Variants in SYNJ2 observed in about 807,000 individuals in gnomAD.
SYNJ2 encodes the protein synaptojanin 2, also known as polyphosphatidylinositol phosphatase SYNJ2.
SYNJ2 carries 116 observed loss-of-function variants against 141.3 expected under a neutral mutation model. The ratio of observed to expected loss-of-function variants is 0.82; its 90% CI spans 0.71 to 0.96. The LOEUF (loss-of-function observed/expected upper bound fraction) is 0.96. SYNJ2 is among the 40% of genes least tolerant of loss of function. The pLI, the probability that SYNJ2 is intolerant of heterozygous loss-of-function variation, is 0.00. For missense variants in SYNJ2, 1,873 were observed against 1,934.8 expected (o/e 0.97, Z 0.60); for synonymous variants, 745 against 777.7 (o/e 0.96, Z 0.70).
chr6:158,006,479 TCTC>T (rs1490934064), intron 1 of SYNJ2, among the ~76,000 whole-genome samples: 2 of 152,146 alleles, frequency 1.3e-5, no homozygotes, highest in Non-Finnish European at 1.5e-5. Context: ...AACGCTTTCT[TCTC>T]CTGGCCGCCA....
intron 16 of SYNJ2, among the ~76,000 whole-genome samples, 171 bp from the exon 17 acceptor site, chr6:158,076,455 T>C (rs188667283): frequency 2.0e-5 from 3 of 152,312 alleles, no homozygotes; most frequent in Non-Finnish European, 2.9e-5. Context: ...TGAGGATCAC[T>C]TTTTTGCTAA....
intron 13 of SYNJ2, among the ~76,000 whole-genome samples, chr6:158,069,281 T>C (rs999794828): frequency 6.6e-6 from 1 of 152,186 alleles, no homozygotes; most frequent in African/African-American, 2.4e-5. Flanking sequence ...AGACTGACTC[T>C]GTGGGGCTGC....
At position 158,078,278 on chromosome 6, in the gene SYNJ2, A is replaced by G; in HGVS notation, c.2564A>G (p.His855Arg). 6.2e-7 allele frequency: 1 copy of G among 1,606,968 alleles called. No individual in the cohort carries two copies. Among genetic ancestry groups the G allele is most frequent in the Non-Finnish European group, 8.5e-7 (1 of 1,173,646 alleles). The change falls in exon 18 of 27, where the codon CAC becomes CGC. Residue 855 changes from histidine (H) to arginine (R), a missense_variant. Transcript: ENST00000355585. ...YGRAELQASD[H>R]RPVLAIVEVE... ...CGTGCGGAGCTACAAGCGTCTGATC[A>G]CAGGTGAGGTCCTGACTTCCATGGC...
chr6:158,063,659 CAAAAAAAAAAAAAAAAAAA>C lies in SYNJ2; in HGVS notation c.1128-122_1128-104del, dbSNP rs71298907. ...GGGTGACAGAGGTGAGACTCTGTCTCAAAAAAAAAAAAAAAAAAAAAAAAAAAACCATGTTTCCTTGGGA... is the reference window on the plus strand; with the variant it reads ...GGGTGACAGAGGTGAGACTCTGTCTCAAAAAAAAACCATGTTTCCTTGGGA... On this transcript the variant is annotated intron_variant, in intron 8 of 26. Coordinates refer to ENST00000355585, the MANE Select transcript of SYNJ2 (RefSeq NM_003898.4). The C allele has an allele frequency of 1.6e-5, 3 of 188,814 alleles. No homozygotes were observed. In the Admixed American group the frequency reaches 2.6e-4, roughly 16 times the overall value. The allele number at this position is 188,814 out of a possible 1,614,324, so 11.7% of individuals were successfully genotyped here. A position where few individuals can be genotyped will look rare whatever the true frequency, so the allele number is the denominator to read the frequency against.
At chr6:158,050,890 G>T (rs182850538) in intron 5 of SYNJ2, among the ~76,000 whole-genome samples, 88 of 152,134 alleles carry the variant, frequency 5.8e-4, no homozygotes, top group African/African-American at 2.1e-3. Context: ...CAGGCCAGGG[G>T]ATTCAGCGTC....
intron 6 of SYNJ2, among the ~76,000 whole-genome samples, chr6:158,056,785 C>G (rs1026635930): frequency 6.6e-6 from 1 of 152,206 alleles, no homozygotes; most frequent in East Asian, 1.9e-4. Flanking sequence ...TTCTTTCCCC[C>G]GCAAAACCTT....
chr6:158,026,575 G>A (rs1779060219), intron 2 of SYNJ2, among the ~76,000 whole-genome samples: 1 of 152,114 alleles, frequency 6.6e-6, no homozygotes, highest in African/African-American at 2.4e-5. Context: ...AGCCTCTCCT[G>A]GCTGCTACAG....
At chr6:158,067,881 G>A (rs979336945) in intron 12 of SYNJ2, 3 of 985,206 alleles carry the variant, frequency 3.0e-6, no homozygotes, top group Non-Finnish European at 3.6e-6. Flanking sequence ...GCCCATCAAC[G>A]CGGAGAGTGC....
rs561584009 is a variant in SYNJ2, at chr6:158,027,304, G to A, written c.215-1452G>A. 29 of 704,154 alleles carry A rather than the reference G, an allele frequency of 4.1e-5. No individual in the cohort carries two copies. Among genetic ancestry groups the A allele is most frequent in the East Asian group, 4.0e-4 (3 of 7,494 alleles). 43.6% of individuals were successfully genotyped at this position (704,154 alleles called of 1,614,324 possible). A position where few individuals can be genotyped will look rare whatever the true frequency, so the allele number is the denominator to read the frequency against. On this transcript the variant is annotated intron_variant, in intron 2 of 26. Transcript: ENST00000355585. The surrounding 1 kb of genome is among the most constrained non-coding windows in gnomAD (Gnocchi z 4.6). The stretch of plus-strand genomic sequence containing the variant: ...TCATTCACAGAAGATCTCGCTGGGC[G>A]GATCCTTCAGACCTCAGCGGGGTGG...
At chr6:158,045,600 G>A (rs1006950337) in intron 5 of SYNJ2, among the ~76,000 whole-genome samples, 4 of 144,302 alleles carry the variant, frequency 2.8e-5, no homozygotes, top group African/African-American at 7.7e-5. Context: ...TCCTTGGAGG[G>A]AGTCTTCTGG....
rs150300534 is a variant in SYNJ2 at position 158,028,941 on chromosome 6, C to A, written c.400C>A (p.Pro134Thr). ...CTCGGGGGTGTTCTATTTCTCATGG[C>A]CAAACGATGGGTCTCGCTTTGACCT... ...LSSGVFYFSWPNDGSRFDLTV... is the reference protein window; with the variant it reads ...LSSGVFYFSWTNDGSRFDLTV... Residue 134 changes from proline to threonine, a missense_variant, in exon 3 of 27, where the codon CCA (proline) becomes ACA (threonine). Transcript: ENST00000355585. The A allele has an allele frequency of 1.2e-6, 2 of 1,613,982 alleles. No homozygotes were observed. Among genetic ancestry groups the A allele is most frequent in the Non-Finnish European group, 1.7e-6 (2 of 1,180,022 alleles).
chr6:158,036,806 AG>A (rs1366562807), intron 4 of SYNJ2, among the ~76,000 whole-genome samples: 2 of 152,252 alleles, frequency 1.3e-5, no homozygotes, highest in Admixed American at 6.5e-5. Context: ...AATTTTAAAA[AG>A]GGGACAGAGA....
intron 4 of SYNJ2, among the ~76,000 whole-genome samples, chr6:158,039,293 G>A (rs770151387): frequency 1.1e-4 from 17 of 152,242 alleles, no homozygotes; most frequent in Non-Finnish European, 2.2e-4. Flanking sequence ...CGGCAGCCCC[G>A]CTGCCCTCCC....
chr6:158,056,307 C>T (rs931160987), intron 6 of SYNJ2, among the ~76,000 whole-genome samples: 1 of 152,186 alleles, frequency 6.6e-6, no homozygotes, highest in Admixed American at 6.5e-5. Flanking sequence ...ACCTCTCTCT[C>T]CTCACAAGCA....
intron 1 of SYNJ2, among the ~76,000 whole-genome samples, chr6:157,995,830 A>G (rs1182013644): frequency 6.6e-6 from 1 of 152,218 alleles, no homozygotes; most frequent in Non-Finnish European, 1.5e-5. Context: ...CCATAATGCC[A>G]TCATTAATCA....
Position 158,076,694 on chromosome 6 carries a change from C to A in SYNJ2, c.2361C>A (p.Ala787=). The stretch of plus-strand genomic sequence containing the variant: ...CCTACAAGTATGACGTTGGCTCAGC[C>A]GCCTACGATACAAGCGACAAATGCC... The part of the protein sequence containing the change: ...GPTYKYDVGS[A]AYDTSDKCRT... The change falls in exon 17 of 27, where the codon GCC becomes GCA. Residue 787 remains alanine (A), a synonymous_variant. Transcript: ENST00000355585. 1 of 1,614,184 alleles carries A rather than the reference C, an allele frequency of 6.2e-7. No individual in the cohort carries two copies. The highest frequency in any genetic ancestry group is 8.5e-7 in the Non-Finnish European group (1 of 1,180,034).
intron 5 of SYNJ2, among the ~76,000 whole-genome samples, chr6:158,054,589 A>G (rs1198085235): frequency 6.6e-6 from 1 of 152,260 alleles, no homozygotes; most frequent in African/African-American, 2.4e-5. Flanking sequence ...GAAGGCATAA[A>G]GGAGACTGAG....
At chr6:157,981,560 A>G (rs147988032), upstream of SYNJ2, among the ~76,000 whole-genome samples, 5,559 of 151,796 alleles carry the variant, frequency 0.037, 136 homozygotes, top group Non-Finnish European at 0.055. The surrounding 1 kb of genome is among the most constrained non-coding windows in gnomAD (Gnocchi z 6.4). Context: ...CTGCCCATAT[A>G]AGGCTGCGGG....
At position 158,071,581 on chromosome 6, in the gene SYNJ2, G is replaced by A. The variant is rs745925235; in HGVS notation, c.1941-21G>A. 2.5e-6 allele frequency: 4 copies of A among 1,608,980 alleles called. No individual in the cohort carries two copies. The highest frequency in any genetic ancestry group is 1.7e-4 in the Middle Eastern group (1 of 6,032). On this transcript the variant is annotated intron_variant, in intron 14 of 26. Transcript: ENST00000355585. The surrounding 1 kb of genome is among the most constrained non-coding windows in gnomAD (Gnocchi z 4.3). ...CTTCTCCTTCAGGAGCCGACGGCAT[G>A]CGCGTATCCTTCTGTTCCAGGGACG...
Sources: gnomAD v4.1 joint callset for allele counts (sites outside exome capture counted in the v4.1 genomes callset) on GRCh38, gnomAD v4.1.1 for gene constraint, Gnocchi (gnomAD v3.1) non-coding constraint, MANE v1.5 for transcripts, NCBI Gene and HGNC (gene_info 2026-07-23, HGNC 2026-07-21) for gene names.